The following BFSP2 variants were observed in gnomAD, a reference collection of about 807,000 sequenced individuals.
BFSP2 encodes beaded filament structural protein 2, also known as phakinin.
BFSP2 carries 38 observed loss-of-function variants against 44.9 expected under a neutral mutation model. That is an observed-to-expected ratio of 0.85 (90% CI 0.65 to 1.11). BFSP2 has a LOEUF of 1.11. Ranked by LOEUF, BFSP2 falls within the 50% of genes least tolerant of loss-of-function variation. The probability of loss-of-function intolerance (pLI) is 0.00; values close to 1 mark genes in which losing one functional copy is unlikely to be tolerated. For synonymous variants in BFSP2, 197 were observed against 209.9 expected (o/e 0.94, Z 0.53); for missense variants, 525 against 533.0 (o/e 0.99, Z 0.15).
At chr3:133,470,591 G>A (rs1001992765) in intron 5 of BFSP2, among the ~76,000 whole-genome samples, 1 of 152,218 alleles carries the variant, frequency 6.6e-6, no homozygotes, top group Non-Finnish European at 1.5e-5. Context: ...TGCATGGGAA[G>A]ATGAGAAGAA....
chr3:133,428,854 T>C (rs1378571529), intron 1 of BFSP2, among the ~76,000 whole-genome samples: 1 of 152,166 alleles, frequency 6.6e-6, no homozygotes, highest in African/African-American at 2.4e-5. Context: ...CCAGCCAGTC[T>C]CTCCCTGTGT....
At chr3:133,426,448 G>A (rs1338988988) in intron 1 of BFSP2, among the ~76,000 whole-genome samples, 1 of 152,224 alleles carries the variant, frequency 6.6e-6, no homozygotes, top group Non-Finnish European at 1.5e-5. Flanking sequence ...ATCCAGGAAA[G>A]AAAGCTCCCT....
chr3:133,427,209 G>A (rs573676012), intron 1 of BFSP2, among the ~76,000 whole-genome samples: 1 of 152,252 alleles, frequency 6.6e-6, no homozygotes, highest in South Asian at 2.1e-4. Flanking sequence ...AATTTCCAAG[G>A]ATCATTTTGT....
chr3:133,474,922 C>A (rs751858354), intron 6 of BFSP2, 47 bp from the exon 7 acceptor site: 1 of 1,612,264 alleles, frequency 6.2e-7, no homozygotes, highest in South Asian at 1.1e-5. Flanking sequence ...ATAGAATGAC[C>A]GATTTTCCTC....
chr3:133,426,421 CTT>C (rs1203544432), intron 1 of BFSP2, among the ~76,000 whole-genome samples: 3 of 152,224 alleles, frequency 2.0e-5, no homozygotes, highest in African/African-American at 7.2e-5. Context: ...ACATACATCT[CTT>C]TTAATCATCT....
intron 4 of BFSP2, among the ~76,000 whole-genome samples, chr3:133,451,319 ATG>A (rs199675426): frequency 0.076 from 11,583 of 152,184 alleles, 528 homozygotes; most frequent in Non-Finnish European, 0.094. Context: ...TGTTCATAAT[ATG>A]AGGTAAAATG....
At chr3:133,418,356 G>A (rs970266961) in intron 1 of BFSP2, among the ~76,000 whole-genome samples, 5 of 152,152 alleles carry the variant, frequency 3.3e-5, no homozygotes, top group Non-Finnish European at 7.3e-5. Flanking sequence ...AGGGAAACAC[G>A]GGCCTTGTTT....
chr3:133,472,980 GT>G (rs1326138813), intron 6 of BFSP2, among the ~76,000 whole-genome samples: 4 of 150,012 alleles, frequency 2.7e-5, no homozygotes, highest in African/African-American at 9.9e-5. Flanking sequence ...ACAGGGTCTC[GT>G]CTCGGTATGT....
intron 2 of BFSP2, among the ~76,000 whole-genome samples, chr3:133,447,743 T>G (rs966493220): frequency 6.6e-6 from 1 of 152,176 alleles, no homozygotes; most frequent in Non-Finnish European, 1.5e-5. Flanking sequence ...TTTATATTCC[T>G]AACAAGTTCC....
At chr3:133,449,924 G>A (rs1221183473) in intron 3 of BFSP2, among the ~76,000 whole-genome samples, 1 of 143,914 alleles carries the variant, frequency 6.9e-6, no homozygotes, top group African/African-American at 2.6e-5. Flanking sequence ...AGAGAGAGAG[G>A]AAGACAGACG....
rs59634142 is a variant in BFSP2, at chr3:133,450,522, G to C, written c.891+58G>C. 4 of 1,594,674 alleles carry C rather than the reference G, an allele frequency of 2.5e-6. No individual in the cohort carries two copies. The African/African-American group carries it at 5.4e-5, about 21-fold the overall frequency. The stretch of plus-strand genomic sequence containing the variant: ...CCTATGCAGAAGGAGGCCACGCTGA[G>C]CTGCAAACTAGTCAATGTGCAGACG... On this transcript the variant is annotated intron_variant, in intron 4 of 6. Coordinates refer to ENST00000302334, the MANE Select transcript of BFSP2 (RefSeq NM_003571.4).
intron 3 of BFSP2, among the ~76,000 whole-genome samples, 154 bp from the exon 4 acceptor site, chr3:133,450,149 A>C (rs2073948291): frequency 6.6e-6 from 1 of 152,172 alleles, no homozygotes; most frequent in Non-Finnish European, 1.5e-5. Flanking sequence ...CGCTGGGAAG[A>C]AGGTCAGGGA....
intron 1 of BFSP2, among the ~76,000 whole-genome samples, chr3:133,423,007 C>A (rs2073606955): frequency 6.6e-6 from 1 of 152,176 alleles, no homozygotes; most frequent in South Asian, 2.1e-4. Flanking sequence ...GTTCCAGATA[C>A]CCACTGCTGT....
intron 1 of BFSP2, among the ~76,000 whole-genome samples, chr3:133,421,372 TGG>T (rs2073590836): frequency 6.6e-6 from 1 of 152,190 alleles, no homozygotes; most frequent in Non-Finnish European, 1.5e-5. Context: ...GTGAGGACTG[TGG>T]GAGAGAATCG....
chr3:133,422,758 C>T (rs898610946), intron 1 of BFSP2, among the ~76,000 whole-genome samples: 2 of 152,268 alleles, frequency 1.3e-5, no homozygotes, highest in African/African-American at 2.4e-5. Flanking sequence ...TACCCCCAGC[C>T]CAGCACCTGC....
chr3:133,450,517 G>A (rs1459329941), intron 4 of BFSP2, 53 bp downstream of exon 4: 10 of 1,604,138 alleles, frequency 6.2e-6, no homozygotes, highest in South Asian at 3.3e-5. Context: ...AGGAGGCCAC[G>A]CTGAGCTGCA....
chr3:133,431,391 C>T (rs556821938), intron 1 of BFSP2, among the ~76,000 whole-genome samples: 6 of 152,298 alleles, frequency 3.9e-5, no homozygotes, highest in Non-Finnish European at 8.8e-5. Context: ...CCTCCTCCCC[C>T]AGGAGCTTGC....
chr3:133,409,614 G>A (rs1053757985), intron 1 of BFSP2, among the ~76,000 whole-genome samples: 2 of 152,136 alleles, frequency 1.3e-5, no homozygotes, highest in Non-Finnish European at 2.9e-5. Context: ...TTCAAGACGA[G>A]TCTGAAACAC....
chr3:133,400,597 G>C lies in BFSP2; in HGVS notation c.489+25G>C. ...GGTAAGTGTCCAGGCTGTGCCAAGG[G>C]CTTTGCAGAGGGCTGGGAGGGGCTG... On this transcript the variant is annotated intron_variant, in intron 1 of 6. Coordinates refer to ENST00000302334, the MANE Select transcript of BFSP2 (RefSeq NM_003571.4). The surrounding 1 kb of genome is among the most constrained non-coding windows in gnomAD (Gnocchi z 4.0). 1 of 1,573,064 alleles carries C rather than the reference G, an allele frequency of 6.4e-7. No individual in the cohort carries two copies. Among genetic ancestry groups the C allele is most frequent in the Non-Finnish European group, 8.6e-7 (1 of 1,159,548 alleles).
Sources: allele counts gnomAD v4.1 joint callset (sites outside exome capture counted in the v4.1 genomes callset), GRCh38; gene constraint gnomAD v4.1.1; non-coding constraint Gnocchi (gnomAD v3.1); transcripts MANE v1.5; gene names NCBI Gene and HGNC (gene_info 2026-07-23, HGNC 2026-07-21).